The following PHF14 variants were observed in gnomAD, a reference collection of about 807,000 sequenced individuals.
PHF14 encodes the protein PHD finger protein 14.
A neutral mutation model predicts 117.9 loss-of-function variants in PHF14; 55 were observed. That is an observed-to-expected ratio of 0.47 (90% CI 0.38 to 0.58). The LOEUF is 0.58. Among genes scored for constraint, PHF14 ranks in the 20% least tolerant of loss-of-function variants. PHF14 has a pLI of 0.00. For synonymous variants in PHF14, 409 were observed against 368.6 expected (o/e 1.11, Z -1.26); for missense variants, 978 against 1,122.2 (o/e 0.87, Z 1.84).
chr7:11,158,545 A>G (rs922240180), intron 17 of PHF14, among the ~76,000 whole-genome samples: 1 of 152,084 alleles, frequency 6.6e-6, no homozygotes, highest in Non-Finnish European at 1.5e-5. Flanking sequence ...TGCTTTAACA[A>G]AGTAGTTTTA....
intron 14 of PHF14, among the ~76,000 whole-genome samples, chr7:11,054,335 A>T (rs1019571904): frequency 6.6e-6 from 1 of 152,172 alleles, no homozygotes; most frequent in African/African-American, 2.4e-5. Context: ...CGCTTATACT[A>T]AATAAAAGTT....
At chr7:11,065,470 T>A (rs569372069) in intron 16 of PHF14, among the ~76,000 whole-genome samples, 1 of 152,160 alleles carries the variant, frequency 6.6e-6, no homozygotes, top group Non-Finnish European at 1.5e-5. Flanking sequence ...AGTATTCTTT[T>A]GCTGAATTAA....
chr7:11,153,571 A>G (rs1246803212), intron 17 of PHF14, among the ~76,000 whole-genome samples: 1 of 152,074 alleles, frequency 6.6e-6, no homozygotes, highest in African/African-American at 2.4e-5. Flanking sequence ...AGTAGTTGGC[A>G]TTTGTGGCCA....
Position 11,027,116 on chromosome 7 carries a change from C to G in PHF14, c.1318-1565C>G, listed in dbSNP as rs146349615. On this transcript the variant is annotated intron_variant, in intron 6 of 17. Coordinates refer to ENST00000634607, the MANE Select transcript of PHF14 (RefSeq NM_001007157.2). ...CAGGAATATTTTCCTTATATTCACT[C>G]TGAAATCCCTTGCTCAATTTCAACA... is the stretch of plus-strand genomic sequence containing the variant. Among the ~76,000 whole-genome samples the G allele has an allele frequency of 3.5e-4, 53 of 152,240 alleles. 3 individuals are homozygous for G. The highest frequency in any genetic ancestry group is 1.3e-3 in the African/African-American group (52 of 41,564).
At chr7:11,074,654 C>A (rs1048582106) in intron 16 of PHF14, among the ~76,000 whole-genome samples, 13 of 152,200 alleles carry the variant, frequency 8.5e-5, no homozygotes, top group Non-Finnish European at 7.3e-5. Flanking sequence ...GTTCAAACTT[C>A]CATAGATCCC....
chr7:11,053,760 A>G (rs1175721232), intron 14 of PHF14, among the ~76,000 whole-genome samples: 4 of 152,112 alleles, frequency 2.6e-5, no homozygotes, highest in East Asian at 1.9e-4. Context: ...ACTCTTTAAC[A>G]TTAAAGGATC....
chr7:11,136,180 A>C (rs570760982), intron 17 of PHF14, among the ~76,000 whole-genome samples: 1 of 152,288 alleles, frequency 6.6e-6, no homozygotes, highest in Admixed American at 6.5e-5. Flanking sequence ...TAAGGCTGTA[A>C]GGTCAATGTG....
chr7:11,033,242 C>T (rs367757665), intron 7 of PHF14, among the ~76,000 whole-genome samples: 14 of 152,218 alleles, frequency 9.2e-5, no homozygotes, highest in African/African-American at 2.9e-4. Context: ...GTTGCTTAAA[C>T]GAAGAAGTTG....
At chr7:11,144,660 G>T (rs533794581) in intron 17 of PHF14, among the ~76,000 whole-genome samples, 2 of 150,168 alleles carry the variant, frequency 1.3e-5, no homozygotes, top group South Asian at 4.2e-4. Flanking sequence ...ATCACTGTAG[G>T]TTGACTATGG....
intron 3 of PHF14, among the ~76,000 whole-genome samples, chr7:10,987,601 C>A (rs919190203): frequency 6.6e-6 from 1 of 151,770 alleles, no homozygotes; most frequent in Non-Finnish European, 1.5e-5. Context: ...ACATTGGATT[C>A]CATTAAATTA....
At chr7:11,129,047 A>G (rs1788016501) in intron 17 of PHF14, among the ~76,000 whole-genome samples, 1 of 152,046 alleles carries the variant, frequency 6.6e-6, no homozygotes, top group African/African-American at 2.4e-5. Context: ...TATTTCTGTC[A>G]TACTTTCTTA....
intron 17 of PHF14, among the ~76,000 whole-genome samples, chr7:11,166,205 G>T (rs1789198381): frequency 6.6e-6 from 1 of 151,796 alleles, no homozygotes; most frequent in African/African-American, 2.4e-5. Flanking sequence ...TTTTCTTTAC[G>T]ATTGTTTCAG....
rs376313422 is a variant in PHF14 at position 11,042,823 on chromosome 7, A to T, written c.2312+9A>T. 2 of 1,546,086 alleles carry T rather than the reference A, an allele frequency of 1.3e-6. No individual in the cohort carries two copies. Among genetic ancestry groups the T allele is most frequent in the African/African-American group, 2.7e-5 (2 of 73,570 alleles). On this transcript the variant is annotated intron_variant, in intron 13 of 17. Transcript: ENST00000634607. ...ACCAAAAACAGTTATTGGTGAGTAA[A>T]ATAGAGGAGATTTAGATGTTTGAAT...
At position 10,994,769 on chromosome 7, in the gene PHF14, C is replaced by T. The variant is rs186463000; in HGVS notation, c.1045+3922C>T. Among the ~76,000 whole-genome samples, 390 of 152,132 alleles carry T rather than the reference C, an allele frequency of 2.6e-3. 2 individuals carry two copies. The highest frequency in any genetic ancestry group is 8.3e-3 in the African/African-American group (346 of 41,516). On this transcript the variant is annotated intron_variant, in intron 4 of 17. Coordinates refer to ENST00000634607, the MANE Select transcript of PHF14 (RefSeq NM_001007157.2). ...CTTCTTTCTGGTGGGTTCGTGGTCT[C>T]GCTGGCTCAGGAGTGAAGCTGCAGA... is the stretch of plus-strand genomic sequence containing the variant.
chr7:11,093,770 C>G (rs1030666730), intron 16 of PHF14, among the ~76,000 whole-genome samples: 2 of 152,120 alleles, frequency 1.3e-5, no homozygotes. Flanking sequence ...TTTCATTGTT[C>G]TCTGCCCTTT....
Position 10,985,636 on chromosome 7 carries a change from C to CCGGTTTTTTTTTTTT in PHF14, c.900+2477_900+2478insCGGTTTTTTTTTTTT, listed in dbSNP as rs750860479. On this transcript the variant is annotated intron_variant, in intron 3 of 17. Transcript: ENST00000634607. ...ATACTCTCTAGCAGTGATTCTCAAACTGTTTTTTTTTTTTTTTTTTTTTTT... is the reference window on the plus strand; with the variant it reads ...ATACTCTCTAGCAGTGATTCTCAAACCGGTTTTTTTTTTTTTGTTTTTTTTTTTTTTTTTTTTTTT... Among the ~76,000 whole-genome samples the CCGGTTTTTTTTTTTT allele has an allele frequency of 2.4e-4, 22 of 90,862 alleles. 1 individual carries two copies. The East Asian group carries it at 4.9e-3, about 20-fold the overall frequency. The allele number at this position is 90,862 out of a possible 152,430, so 59.6% of individuals were successfully genotyped here.
intron 17 of PHF14, among the ~76,000 whole-genome samples, chr7:11,117,601 A>G: frequency 6.6e-6 from 1 of 151,208 alleles, no homozygotes; most frequent in East Asian, 1.9e-4. Context: ...ATTTATATGT[A>G]TAAATACAAA....
In PHF14 at chr7:10,974,018, A is replaced by G. The variant is rs1322518734; in HGVS notation, c.-306A>G. ...CTTTAATTTTTTTTCTTCTAGTTTT[A>G]ACGGGAGAAATTAACTCCCCGGGGC... On this transcript the variant is annotated 5_prime_UTR_variant, in exon 1 of 18. Coordinates refer to ENST00000634607, the MANE Select transcript of PHF14 (RefSeq NM_001007157.2). 1.1e-5 allele frequency: 4 copies of G among 351,976 alleles called. No homozygotes were observed. Among genetic ancestry groups the G allele is most frequent in the African/African-American group, 8.5e-5 (4 of 47,142 alleles). 21.8% of individuals were successfully genotyped at this position (351,976 alleles called of 1,614,324 possible). A position where few individuals can be genotyped will look rare whatever the true frequency, so the allele number is the denominator to read the frequency against.
Position 11,056,601 on chromosome 7 carries a change from T to G in PHF14, c.2481+4821T>G, listed in dbSNP as rs56685525. Among the ~76,000 whole-genome samples the G allele has an allele frequency of 6.3e-3, 964 of 152,126 alleles. 11 individuals carry two copies. The highest frequency in any genetic ancestry group is 0.022 in the African/African-American group (917 of 41,564). ...GTAGCCAACAGAAACAGATGACACC[T>G]TGTTCATAATTTGTTTTTTGTATAT... On this transcript the variant is annotated intron_variant, in intron 14 of 17. Coordinates refer to ENST00000634607, the MANE Select transcript of PHF14 (RefSeq NM_001007157.2).
Sources: gnomAD v4.1 joint callset for allele counts (sites outside exome capture counted in the v4.1 genomes callset) on GRCh38, gnomAD v4.1.1 for gene constraint, MANE v1.5 for transcripts, NCBI Gene and HGNC (gene_info 2026-07-23, HGNC 2026-07-21) for gene names.